The following CNBD1 variants were observed in gnomAD, a reference collection of about 807,000 sequenced individuals.
CNBD1 encodes cyclic nucleotide-binding domain-containing protein 1.
A neutral mutation model predicts 54.4 loss-of-function variants in CNBD1; 71 were observed. The observed-to-expected ratio is 1.30, with a 90% confidence interval of 1.08 to 1.59. CNBD1 has a LOEUF of 1.59. Ranked by LOEUF, CNBD1 falls within the 40% of genes most tolerant of loss-of-function variation. CNBD1 has a pLI of 0.00. For missense variants in CNBD1, 659 were observed against 518.0 expected, an observed-to-expected ratio of 1.27 and a Z score of -2.64; for synonymous variants, 182 against 170.7, an observed-to-expected ratio of 1.07 and a Z score of -0.51.
At position 87,393,633 on chromosome 8, in the gene CNBD1, A is replaced by G. The variant is rs188249572; in HGVS notation, c.214-34913A>G. Among the ~76,000 whole-genome samples the G allele has an allele frequency of 3.9e-3, 587 of 152,018 alleles. 7 individuals are homozygous for G. Among genetic ancestry groups the G allele is most frequent in the African/African-American group, 0.013 (553 of 41,542 alleles). The stretch of plus-strand genomic sequence containing the variant: ...TAAGTGACAACCAAATGATAGAAAT[A>G]TAAAAGTACAAAGAGATGAATGTAG... On this transcript the variant is annotated intron_variant, in intron 2 of 7. Coordinates refer to the CNBD1 transcript ENST00000521593.
At chr8:87,423,275 C>T (rs1807978685) in intron 2 of CNBD1, among the ~76,000 whole-genome samples, 1 of 150,552 alleles carries the variant, frequency 6.6e-6, no homozygotes, top group South Asian at 2.1e-4. Flanking sequence ...ATTTCCTTCT[C>T]CTGCCTAATT....
At chr8:87,413,277 T>C (rs999527809) in intron 2 of CNBD1, among the ~76,000 whole-genome samples, 3 of 152,168 alleles carry the variant, frequency 2.0e-5, no homozygotes, top group Non-Finnish European at 4.4e-5. Context: ...GCATAGTGAG[T>C]TTTGGGGTCC....
At chr8:87,180,637 T>C (rs1423101730) in intron 4 of CNBD1, among the ~76,000 whole-genome samples, 3 of 152,126 alleles carry the variant, frequency 2.0e-5, no homozygotes, top group African/African-American at 7.2e-5. Flanking sequence ...TATAATTTAA[T>C]CACATATTTG....
chr8:87,416,596 T>C (rs1442221929), intron 2 of CNBD1, among the ~76,000 whole-genome samples: 1 of 152,012 alleles, frequency 6.6e-6, no homozygotes, highest in Non-Finnish European at 1.5e-5. Flanking sequence ...ATCCTTCTCT[T>C]ACATGTCTGG....
At chr8:86,961,331 C>G (rs1212532427) in intron 4 of CNBD1, among the ~76,000 whole-genome samples, 1 of 152,192 alleles carries the variant, frequency 6.6e-6, no homozygotes, top group Non-Finnish European at 1.5e-5. Context: ...AGCCAAACTT[C>G]CCCAGACTCC....
rs1196092163 is a variant in CNBD1 at position 87,219,414 on chromosome 8, T to A, written c.577+13276T>A. On this transcript the variant is annotated intron_variant, in intron 5 of 10. Transcript: ENST00000518476. ...ACAGAGATGTGTAAAGTCTTACTGA[T>A]AACAGTGTGGTCTTGAAATACTTAA... Among the ~76,000 whole-genome samples the A allele has an allele frequency of 2.0e-5, 3 of 152,026 alleles. No individual in the cohort carries two copies. The East Asian group carries it at 5.8e-4, about 29-fold the overall frequency.
In CNBD1 at chr8:87,219,545, T is replaced by C. The variant is rs559610825; in HGVS notation, c.577+13407T>C. On this transcript the variant is annotated intron_variant, in intron 5 of 10. Coordinates refer to ENST00000518476, the MANE Select transcript of CNBD1 (RefSeq NM_173538.3). Reference sequence around the variant, plus strand: ...TATATATGTATATATAGCCAGAATATATATGCATATATATAGCCAGAATAC... The same window carrying C: ...TATATATGTATATATAGCCAGAATACATATGCATATATATAGCCAGAATAC... 3.3e-5 allele frequency among the ~76,000 whole-genome samples: 5 copies of C among 152,044 alleles called. No individual in the cohort carries two copies. In the South Asian group the frequency reaches 1.0e-3, roughly 32 times the overall value.
rs148995736 is a variant in CNBD1 at position 87,180,569 on chromosome 8, G to A, written c.432-25424G>A. Among the ~76,000 whole-genome samples the A allele has an allele frequency of 1.3e-3, 201 of 152,146 alleles. 1 individual carries two copies. Among genetic ancestry groups the A allele is most frequent in the African/African-American group, 4.6e-3 (192 of 41,498 alleles). On this transcript the variant is annotated intron_variant, in intron 4 of 10. Coordinates refer to ENST00000518476, the MANE Select transcript of CNBD1 (RefSeq NM_173538.3). ...AAAAGTAACTCCGGAGGTGGTGTGA[G>A]CCTGAAATTTACATATTTTTGTTAT...
chr8:87,266,613 G>C (rs1208615425), intron 6 of CNBD1, among the ~76,000 whole-genome samples: 2 of 151,440 alleles, frequency 1.3e-5, no homozygotes, highest in East Asian at 3.9e-4. Flanking sequence ...CACCACCCCG[G>C]CTAATTTTGT....
intron 4 of CNBD1, among the ~76,000 whole-genome samples, chr8:87,144,547 CA>C (rs576917845): frequency 6.6e-6 from 1 of 151,906 alleles, no homozygotes; most frequent in East Asian, 1.9e-4. Context: ...ATTTTAGATG[CA>C]AAAAAATGTA....
At chr8:87,421,572 G>A (rs199724362) in intron 2 of CNBD1, among the ~76,000 whole-genome samples, 81 of 149,948 alleles carry the variant, frequency 5.4e-4, no homozygotes, top group African/African-American at 1.3e-3. Context: ...GATGATTTCC[G>A]ATTTCATCCA....
At chr8:86,974,613 C>A (rs1427528329) in intron 4 of CNBD1, among the ~76,000 whole-genome samples, 3 of 151,858 alleles carry the variant, frequency 2.0e-5, no homozygotes, top group African/African-American at 7.2e-5. Context: ...ATATTTGAAC[C>A]TCAGAATGTT....
At chr8:86,977,234 C>A (rs116476223) in intron 4 of CNBD1, among the ~76,000 whole-genome samples, 1 of 151,688 alleles carries the variant, frequency 6.6e-6, no homozygotes, top group East Asian at 1.9e-4. Flanking sequence ...TTTCCTGGAT[C>A]TGGATTTCTA....
chr8:86,930,463 G>C (rs1026432892), intron 3 of CNBD1, among the ~76,000 whole-genome samples: 5 of 152,142 alleles, frequency 3.3e-5, no homozygotes, highest in Non-Finnish European at 5.9e-5. Flanking sequence ...TCTTGGGCCA[G>C]TGCATGACCA....
chr8:87,165,668 C>T (rs756843723), intron 4 of CNBD1, among the ~76,000 whole-genome samples: 31 of 151,778 alleles, frequency 2.0e-4, no homozygotes, highest in Non-Finnish European at 2.8e-4. Flanking sequence ...TTCTAGTAGG[C>T]GCATATAGTT....
downstream of CNBD1, among the ~76,000 whole-genome samples, chr8:87,385,447 C>G (rs999513717): frequency 5.3e-5 from 8 of 151,980 alleles, no homozygotes; most frequent in Non-Finnish European, 1.0e-4. Flanking sequence ...ACAGTCTTAG[C>G]AAATGGCACA....
intron 5 of CNBD1, among the ~76,000 whole-genome samples, chr8:87,223,633 G>C (rs1220682205): frequency 2.0e-5 from 3 of 152,092 alleles, no homozygotes; most frequent in African/African-American, 7.2e-5. Flanking sequence ...TCTTAATCCA[G>C]TCTATCATTG....
chr8:87,139,852 G>A (rs1232972413), intron 4 of CNBD1, among the ~76,000 whole-genome samples: 1 of 152,156 alleles, frequency 6.6e-6, no homozygotes. Context: ...AGGAAACTGT[G>A]CAGCTTTAAC....
At chr8:87,388,406 T>G (rs1184004786) in intron 2 of CNBD1, among the ~76,000 whole-genome samples, 1 of 151,866 alleles carries the variant, frequency 6.6e-6, no homozygotes, top group Admixed American at 6.6e-5. Flanking sequence ...CAATAAAAAA[T>G]GATAAAGGGG....
Sources: allele counts gnomAD v4.1 joint callset (sites outside exome capture counted in the v4.1 genomes callset), GRCh38; gene constraint gnomAD v4.1.1; transcripts MANE v1.5; gene names NCBI Gene and HGNC (gene_info 2026-07-23, HGNC 2026-07-21).